Variants in CDC42EP3 observed in about 807,000 individuals in gnomAD.
The protein encoded by CDC42EP3 is CDC42 effector protein 3, also known as CDC42 effector protein (Rho GTPase binding) 3.
CDC42EP3 carries 4 observed loss-of-function variants against 15.5 expected under a neutral mutation model. The ratio of observed to expected loss-of-function variants is 0.26; its 90% CI spans 0.13 to 0.59. The LOEUF (loss-of-function observed/expected upper bound fraction) is 0.59. CDC42EP3 is among the 20% of genes least tolerant of loss of function. The probability of loss-of-function intolerance (pLI) is 0.89; values close to 1 mark genes in which losing one functional copy is unlikely to be tolerated. For missense variants in CDC42EP3, 309 were observed against 311.2 expected (o/e 0.99, Z 0.05); for synonymous variants, 145 against 130.3 (o/e 1.11, Z -0.77).
At chr2:37,648,509 G>C (rs908376668) in intron 1 of CDC42EP3, among the ~76,000 whole-genome samples, 20 of 152,352 alleles carry the variant, frequency 1.3e-4, no homozygotes, top group Middle Eastern at 3.4e-3. Context: ...CTAGCTCAGC[G>C]TGTCAGCATG....
At chr2:37,647,987 T>C (rs1046953962) in intron 1 of CDC42EP3, among the ~76,000 whole-genome samples, 2 of 152,224 alleles carry the variant, frequency 1.3e-5, no homozygotes, top group Non-Finnish European at 2.9e-5. Flanking sequence ...CCCAGATTCC[T>C]GACCCACAGA....
At chr2:37,667,027 T>G (rs1014623102) in intron 1 of CDC42EP3, among the ~76,000 whole-genome samples, 1 of 152,146 alleles carries the variant, frequency 6.6e-6, no homozygotes, top group Non-Finnish European at 1.5e-5. Context: ...GAACCCTGTT[T>G]CCATCTGAGA....
At chr2:37,667,472 C>T (rs1383345975) in intron 1 of CDC42EP3, among the ~76,000 whole-genome samples, 2 of 152,128 alleles carry the variant, frequency 1.3e-5, no homozygotes, top group African/African-American at 2.4e-5. Flanking sequence ...TCACTTCATC[C>T]CCAGCCACCA....
chr2:37,672,709 T>C (rs536041989), upstream of CDC42EP3, among the ~76,000 whole-genome samples: 4 of 152,292 alleles, frequency 2.6e-5, no homozygotes, highest in East Asian at 1.9e-4. Context: ...CCAGCCCGCA[T>C]GGTCAGCCAG....
At chr2:37,649,175 G>A (rs1665582241) in intron 1 of CDC42EP3, among the ~76,000 whole-genome samples, 1 of 151,720 alleles carries the variant, frequency 6.6e-6, no homozygotes, top group Non-Finnish European at 1.5e-5. Context: ...AATTAGCTGG[G>A]CATGGGGGCA....
chr2:37,661,260 A>G (rs1236683697), intron 1 of CDC42EP3, among the ~76,000 whole-genome samples: 2 of 152,136 alleles, frequency 1.3e-5, no homozygotes, highest in East Asian at 3.9e-4. Context: ...TTGAACACTT[A>G]GGGGATATAT....
Position 37,645,861 on chromosome 2 carries a change from A to C in CDC42EP3, c.727T>G (p.Leu243Val). ...SLQLDLGPSLLDEVLNVMDKN... is the reference protein window; with the variant it reads ...SLQLDLGPSLVDEVLNVMDKN... ...TCCATTACATTCAGCACCTCATCCA[A>C]AAGTGAGGGCCCAAGATCAAGCTGC... The change falls in exon 2 of 2, where the codon TTG becomes GTG. Residue 243 changes from leucine to valine, a missense_variant. Leu to Val is a conservative substitution (Grantham distance 32). Coordinates refer to ENST00000295324, the MANE Select transcript of CDC42EP3 (RefSeq NM_006449.5). 1 of 1,566,348 alleles carries C rather than the reference A, an allele frequency of 6.4e-7. No individual in the cohort carries two copies. The highest frequency in any genetic ancestry group is 8.6e-7 in the Non-Finnish European group (1 of 1,161,190).
At chr2:37,654,171 C>A (rs552580869) in intron 1 of CDC42EP3, among the ~76,000 whole-genome samples, 2 of 152,238 alleles carry the variant, frequency 1.3e-5, no homozygotes, top group Non-Finnish European at 2.9e-5. Flanking sequence ...TGGGCTATGT[C>A]TCTCTGCTGC....
intron 1 of CDC42EP3, among the ~76,000 whole-genome samples, chr2:37,662,505 A>G (rs1197716385): frequency 6.6e-6 from 1 of 151,892 alleles, no homozygotes; most frequent in African/African-American, 2.4e-5. Flanking sequence ...AGTGTGAAAA[A>G]CTCCCAAATG....
intron 1 of CDC42EP3, 41 bp downstream of exon 1, chr2:37,671,381 CACAG>C (rs1666414021): frequency 6.6e-6 from 1 of 152,356 alleles, no homozygotes; most frequent in South Asian, 2.1e-4. Context: ...GGGACAGACT[CACAG>C]ACAGGTAGAG....
chr2:37,648,282 C>T (rs1240288350), intron 1 of CDC42EP3, among the ~76,000 whole-genome samples: 6 of 152,250 alleles, frequency 3.9e-5, no homozygotes, highest in Non-Finnish European at 8.8e-5. Flanking sequence ...CTCCCACTGG[C>T]TGCAGAGCCT....
rs967669208 is a variant in CDC42EP3, at chr2:37,646,030, G to A, written c.558C>T (p.Asp186=). 1.9e-6 allele frequency: 3 copies of A among 1,614,014 alleles called. No homozygotes were observed. The African/African-American group carries it at 4.0e-5, about 22-fold the overall frequency. ...GSASQSSQGR[D]SHSSSLSEQY... The stretch of plus-strand genomic sequence containing the variant: ...GTTCGGACAGGCTGGAGGAGTGGCT[G>A]TCTCTGCCTTGGCTGGACTGAGATG... Residue 186 remains aspartate, a synonymous_variant, in exon 2 of 2, where the codon GAC becomes GAT. Coordinates refer to ENST00000295324, the MANE Select transcript of CDC42EP3 (RefSeq NM_006449.5).
At position 37,669,233 on chromosome 2, in the gene CDC42EP3, TAA is replaced by T. The variant is rs577020049; in HGVS notation, c.-236+2191_-236+2192del. Reference sequence around the variant, plus strand: ...ATTTGTGAAAAATCTATGGCCTGGCTAAAAAAAAAAAAAAAAAAAAATCTTTG... The same window carrying T: ...ATTTGTGAAAAATCTATGGCCTGGCTAAAAAAAAAAAAAAAAAAATCTTTG... On this transcript the variant is annotated intron_variant, in intron 1 of 1. Coordinates refer to ENST00000295324, the MANE Select transcript of CDC42EP3 (RefSeq NM_006449.5). Among the ~76,000 whole-genome samples, 829 of 121,374 alleles carry T rather than the reference TAA, an allele frequency of 6.8e-3. 7 individuals are homozygous for T. Among genetic ancestry groups the T allele is most frequent in the African/African-American group, 0.021 (685 of 32,570 alleles). 79.6% of individuals were successfully genotyped at this position (121,374 alleles called of 152,430 possible). A position where few individuals can be genotyped will look rare whatever the true frequency, so the allele number is the denominator to read the frequency against.
At chr2:37,649,651 G>T (rs1665602259) in intron 1 of CDC42EP3, among the ~76,000 whole-genome samples, 1 of 151,876 alleles carries the variant, frequency 6.6e-6, no homozygotes. Flanking sequence ...GTAGGCTGGT[G>T]GGGGCTGGGC....
chr2:37,656,858 A>G (rs956226817), intron 1 of CDC42EP3, among the ~76,000 whole-genome samples: 4 of 152,064 alleles, frequency 2.6e-5, no homozygotes, highest in African/African-American at 9.7e-5. Flanking sequence ...GGTCCTAGAC[A>G]CTGGTCCCTC....
chr2:37,646,729 T>TG lies in CDC42EP3; in HGVS notation c.-143dup. On this transcript the variant is annotated 5_prime_UTR_variant, in exon 2 of 2. Transcript: ENST00000295324. ...CTTCAGAAGTGGCTTCGAAATGAGA[T>TG]GGGGTCAAAGAGAACCTTCCTGAGG... is the stretch of plus-strand genomic sequence containing the variant. 1 of 819,010 alleles carries TG rather than the reference T, an allele frequency of 1.2e-6. No individual in the cohort carries two copies. Among genetic ancestry groups the TG allele is most frequent in the Admixed American group, 2.7e-5 (1 of 37,684 alleles). The allele number at this position is 819,010 out of a possible 1,614,324, so 50.7% of individuals were successfully genotyped here.
intron 1 of CDC42EP3, among the ~76,000 whole-genome samples, chr2:37,659,947 G>A (rs6759224): frequency 0.28 from 42,612 of 152,130 alleles, 6,429 homozygotes; most frequent in East Asian, 0.58. Context: ...CTGAGCGGGG[G>A]AAGAGCTGGA....
upstream of CDC42EP3, among the ~76,000 whole-genome samples, chr2:37,672,840 C>A (rs948216378): frequency 1.3e-5 from 2 of 152,154 alleles, no homozygotes; most frequent in African/African-American, 4.8e-5. Context: ...TTGGCTTTGC[C>A]GAGAGATATC....
intron 1 of CDC42EP3, among the ~76,000 whole-genome samples, chr2:37,671,088 C>T (rs11686168): frequency 0.33 from 50,721 of 152,094 alleles, 8,680 homozygotes; most frequent in Middle Eastern, 0.4. Context: ...GGTAGCCAAG[C>T]GCGGCTTGTT....
Sources: allele counts gnomAD v4.1 joint callset (sites outside exome capture counted in the v4.1 genomes callset), GRCh38; gene constraint gnomAD v4.1.1; transcripts MANE v1.5; gene names NCBI Gene and HGNC (gene_info 2026-07-23, HGNC 2026-07-21).